The following RPS6KL1 variants were observed in gnomAD, a reference collection of about 807,000 sequenced individuals.
The protein encoded by RPS6KL1 is ribosomal protein S6 kinase-like 1.
A neutral mutation model predicts 57.0 loss-of-function variants in RPS6KL1; 41 were observed. That is an observed-to-expected ratio of 0.72 (90% CI 0.56 to 0.93). The LOEUF (loss-of-function observed/expected upper bound fraction) is 0.93. RPS6KL1 is among the 40% of genes least tolerant of loss of function. The pLI is 0.00. For synonymous variants in RPS6KL1, 287 were observed against 309.7 expected (o/e 0.93, Z 0.77); for missense variants, 697 against 727.7 (o/e 0.96, Z 0.49).
At chr14:74,907,260 G>T in intron 11 of RPS6KL1, 136 bp from the exon 12 acceptor site, 1 of 1,380,098 alleles carries the variant, frequency 7.2e-7, no homozygotes, top group Non-Finnish European at 9.7e-7. Flanking sequence ...ATTTTACCCT[G>T]GGAACATTGG....
intron 5 of RPS6KL1, among the ~76,000 whole-genome samples, chr14:74,916,310 A>T (rs976343497): frequency 5.3e-5 from 8 of 152,160 alleles, no homozygotes; most frequent in Non-Finnish European, 1.2e-4. Flanking sequence ...CAGGGAAAGG[A>T]AGTAGGATCT....
In RPS6KL1 at chr14:74,906,551, A is replaced by G. The variant is rs1203575569; in HGVS notation, c.*463T>C. The G allele has an allele frequency of 1.9e-6, 1 of 525,924 alleles. No homozygotes were observed. Among genetic ancestry groups the G allele is most frequent in the Non-Finnish European group, 3.9e-6 (1 of 256,430 alleles). 32.6% of individuals were successfully genotyped at this position (525,924 alleles called of 1,614,324 possible). ...TACTCGCTGTGTGACTAAGAGGACT[A>G]GCCAGGACAGTCTGGTTTGGGTCCA... is the stretch of plus-strand genomic sequence containing the variant. On this transcript the variant is annotated 3_prime_UTR_variant, in exon 12 of 12. Coordinates refer to ENST00000557413, the MANE Select transcript of RPS6KL1 (RefSeq NM_031464.5).
Position 74,918,593 on chromosome 14 carries a change from GGCT to G in RPS6KL1, c.400_402del (p.Ser134del). The stretch of plus-strand genomic sequence containing the variant: ...AGCGTGCGAATGGGCCGGAGCCTCA[GGCT>G]GCTGAAACCCTGCAGAGGAGGGAGA... On this transcript the variant is annotated inframe_deletion, in exon 5 of 12. Coordinates refer to ENST00000557413, the MANE Select transcript of RPS6KL1 (RefSeq NM_031464.5). The G allele has an allele frequency of 2.6e-6, 4 of 1,534,362 alleles. 1 individual carries two copies. Among genetic ancestry groups the G allele is most frequent in the Non-Finnish European group, 3.5e-6 (4 of 1,146,096 alleles).
In RPS6KL1 at chr14:74,909,837, G is replaced by A. The variant is rs1440897258; in HGVS notation, c.976C>T (p.Leu326=). 1 of 1,611,424 alleles carries A rather than the reference G, an allele frequency of 6.2e-7. No homozygotes were observed. Among genetic ancestry groups the A allele is most frequent in the East Asian group, 2.2e-5 (1 of 44,872 alleles). The change falls in exon 8 of 12, where the codon CTG becomes TTG. Residue 326 remains leucine, a synonymous_variant. Transcript: ENST00000557413. ...SDLPKAPGGH[L]HLQARRAGQN... is the part of the protein sequence containing the mutation. ...CCAGCCCTCCTAGCTTGAAGGTGCA[G>A]GTGGCCACCTGGGGCCTTTGGAAGG...
At chr14:74,912,466 C>T (rs1886180442) in intron 5 of RPS6KL1, among the ~76,000 whole-genome samples, 1 of 152,176 alleles carries the variant, frequency 6.6e-6, no homozygotes, top group Non-Finnish European at 1.5e-5. Context: ...ACCCCTCACC[C>T]AAGGCCTTAG....
intron 3 of RPS6KL1, among the ~76,000 whole-genome samples, chr14:74,920,255 C>T (rs1887606059): frequency 6.6e-6 from 1 of 152,216 alleles, no homozygotes; most frequent in African/African-American, 2.4e-5. Context: ...GGCTGTCACA[C>T]CCTGGGAAGG....
intron 5 of RPS6KL1, among the ~76,000 whole-genome samples, chr14:74,914,927 G>A (rs947085122): frequency 1.3e-5 from 2 of 152,210 alleles, no homozygotes; most frequent in African/African-American, 4.8e-5. Flanking sequence ...GGTCAGGCTG[G>A]TCTTGAACTC....
chr14:74,919,797 C>T (rs575839005), intron 4 of RPS6KL1, 48 bp downstream of exon 4: 3 of 1,600,998 alleles, frequency 1.9e-6, no homozygotes, highest in African/African-American at 2.7e-5. Context: ...AGTCTCCCCT[C>T]AGAGCCCTCC....
chr14:74,919,419 A>G (rs573554422), intron 4 of RPS6KL1, among the ~76,000 whole-genome samples: 16 of 152,338 alleles, frequency 1.1e-4, no homozygotes, highest in Admixed American at 3.9e-4. Flanking sequence ...GTGTGCACAT[A>G]CATGCACACA....
intron 8 of RPS6KL1, 65 bp downstream of exon 8, chr14:74,909,478 G>C (rs901851795): frequency 6.6e-7 from 1 of 1,519,324 alleles, no homozygotes; most frequent in South Asian, 1.3e-5. Flanking sequence ...CGACTTTGGG[G>C]ATCTCTCGTC....
At chr14:74,913,588 C>A (rs1886373351) in intron 5 of RPS6KL1, among the ~76,000 whole-genome samples, 1 of 151,832 alleles carries the variant, frequency 6.6e-6, no homozygotes, top group African/African-American at 2.4e-5. Flanking sequence ...AAACAAAAAA[C>A]CAAGAAAGCC....
chr14:74,910,247 G>A (rs1885699826), intron 7 of RPS6KL1, 99 bp from the exon 8 acceptor site: 19 of 1,394,102 alleles, frequency 1.4e-5, no homozygotes, highest in East Asian at 7.2e-5. Flanking sequence ...TGTCTTGGGC[G>A]CAGACTTTCC....
At chr14:74,908,172 T>G (rs1358907228) in intron 10 of RPS6KL1, among the ~76,000 whole-genome samples, 1 of 152,222 alleles carries the variant, frequency 6.6e-6, no homozygotes, top group Non-Finnish European at 1.5e-5. Context: ...CTGGATGGAC[T>G]GGTCAGCTCT....
chr14:74,913,731 T>G (rs1192086304), intron 5 of RPS6KL1, among the ~76,000 whole-genome samples: 1 of 152,126 alleles, frequency 6.6e-6, no homozygotes, highest in Non-Finnish European at 1.5e-5. Flanking sequence ...CTGAAGAGGA[T>G]TCTGTTAAAG....
At chr14:74,908,368 C>G (rs367681600) in intron 10 of RPS6KL1, among the ~76,000 whole-genome samples, 1 of 152,134 alleles carries the variant, frequency 6.6e-6, no homozygotes, top group Non-Finnish European at 1.5e-5. Flanking sequence ...CACAGGTTCC[C>G]GGAGTGTTTG....
At chr14:74,916,437 G>A (rs1886857021) in intron 5 of RPS6KL1, among the ~76,000 whole-genome samples, 1 of 152,200 alleles carries the variant, frequency 6.6e-6, no homozygotes, top group African/African-American at 2.4e-5. Flanking sequence ...GTAATCCCAA[G>A]TGCTTTGGGA....
Position 74,909,735 on chromosome 14 carries a change from C to A in RPS6KL1, c.1078G>T (p.Gly360Cys). The A allele has an allele frequency of 6.2e-7, 1 of 1,608,144 alleles. No individual in the cohort carries two copies. Among genetic ancestry groups the A allele is most frequent in the South Asian group, 1.1e-5 (1 of 91,044 alleles). Residue 360 changes from glycine (G) to cysteine (C), a missense_variant, in exon 8 of 12, where the codon GGC (glycine) becomes TGC (cysteine). Gly to Cys is a radical substitution (Grantham distance 159). Coordinates refer to ENST00000557413, the MANE Select transcript of RPS6KL1 (RefSeq NM_031464.5). ...AGGCAGCTCTGATCCATGCCTCGGC[C>A]ACAGCCCCCTAGCACCGGGCCGGCC... ...EGAGPVLGGC[G>C]RGMDQSCLSA...
In RPS6KL1 at chr14:74,922,464, G is replaced by C. The variant is rs1887995816; in HGVS notation, c.-507C>G. ...CCTCCTGGAGCCAGCAGAGAGCAGAGCACAGAGCTGGGCTGTAAGAACTGT... is the reference window on the plus strand; with the variant it reads ...CCTCCTGGAGCCAGCAGAGAGCAGACCACAGAGCTGGGCTGTAAGAACTGT... On this transcript the variant is annotated 5_prime_UTR_variant, in exon 2 of 12. Transcript: ENST00000557413. 4.7e-6 allele frequency: 2 copies of C among 424,214 alleles called. No individual in the cohort carries two copies. Among genetic ancestry groups the C allele is most frequent in the South Asian group, 9.7e-5 (1 of 10,310 alleles). The allele number at this position is 424,214 out of a possible 1,614,324, so 26.3% of individuals were successfully genotyped here.
chr14:74,921,831 G>A lies in RPS6KL1; in HGVS notation c.-21+147C>T, dbSNP rs1226404249. 3 of 873,256 alleles carry A rather than the reference G, an allele frequency of 3.4e-6. No homozygotes were observed. In the African/African-American group the frequency reaches 6.1e-5, roughly 18 times the overall value. The allele number at this position is 873,256 out of a possible 1,614,324, so 54.1% of individuals were successfully genotyped here. ...CTCGCTATGTCACCCAGGCTGGATT[G>A]CAGTGGTGCGATCTCGGCTCACTGC... On this transcript the variant is annotated intron_variant, in intron 2 of 11. Coordinates refer to ENST00000557413, the MANE Select transcript of RPS6KL1 (RefSeq NM_031464.5).
Sources: gnomAD v4.1 joint callset for allele counts (sites outside exome capture counted in the v4.1 genomes callset) on GRCh38, gnomAD v4.1.1 for gene constraint, MANE v1.5 for transcripts, NCBI Gene and HGNC (gene_info 2026-07-23, HGNC 2026-07-21) for gene names.